The following P3H2 variants were observed in gnomAD, a reference collection of about 807,000 sequenced individuals.
P3H2 encodes the protein leprecan-like 1.
P3H2 carries 80 observed loss-of-function variants against 87.0 expected under a neutral mutation model. That is an observed-to-expected ratio of 0.92 (90% CI 0.77 to 1.11). P3H2 has a LOEUF of 1.11. Among genes scored for constraint, P3H2 ranks in the 50% least tolerant of loss-of-function variants. The pLI is 0.00. For missense variants in P3H2, 1,001 were observed against 923.9 expected, an observed-to-expected ratio of 1.08 and a Z score of -1.08; for synonymous variants, 367 against 359.3, an observed-to-expected ratio of 1.02 and a Z score of -0.24.
intron 1 of P3H2, among the ~76,000 whole-genome samples, chr3:190,032,811 C>A (rs1326539986): frequency 1.3e-5 from 2 of 152,052 alleles, no homozygotes; most frequent in Non-Finnish European, 2.9e-5. Context: ...TCGTGGAAGA[C>A]AATTTTTCCA....
chr3:189,980,955 A>T (rs710551), intron 8 of P3H2, among the ~76,000 whole-genome samples: 1 of 152,100 alleles, frequency 6.6e-6, no homozygotes. Context: ...GGGGCCTGCA[A>T]ATTAAGCTCT....
chr3:190,043,498 C>A (rs922393084), intron 1 of P3H2, among the ~76,000 whole-genome samples: 1 of 152,148 alleles, frequency 6.6e-6, no homozygotes, highest in Non-Finnish European at 1.5e-5. Context: ...GCAGGTCACC[C>A]GTGAGAACTT....
chr3:190,019,384 G>A (rs1724864218), intron 1 of P3H2, among the ~76,000 whole-genome samples: 1 of 152,184 alleles, frequency 6.6e-6, no homozygotes, highest in East Asian at 1.9e-4. Flanking sequence ...GAGTTTAAAT[G>A]TAGTTTTCAG....
At chr3:189,971,655 A>G (rs1207529257) in intron 12 of P3H2, 1 of 496,192 alleles carries the variant, frequency 2.0e-6, no homozygotes, top group Non-Finnish European at 3.7e-6. Flanking sequence ...TACTTTTCAT[A>G]TTAAAACAAA....
chr3:189,980,686 G>A (rs1723506379), intron 8 of P3H2, among the ~76,000 whole-genome samples: 1 of 152,146 alleles, frequency 6.6e-6, no homozygotes, highest in African/African-American at 2.4e-5. Flanking sequence ...TTTTAGTTAT[G>A]ATATAATAAG....
chr3:190,108,189 T>C (rs780325257), intron 1 of P3H2, among the ~76,000 whole-genome samples: 17 of 152,068 alleles, frequency 1.1e-4, no homozygotes, highest in Non-Finnish European at 1.9e-4. Context: ...TCTTGCTCTG[T>C]CACCCTGGCT....
intron 1 of P3H2, among the ~76,000 whole-genome samples, chr3:190,112,200 G>C (rs1712096894): frequency 6.6e-6 from 1 of 152,162 alleles, no homozygotes; most frequent in Admixed American, 6.5e-5. Context: ...TAGGTTCCTG[G>C]ATTCTAATCC....
At chr3:189,959,857 GATAT>G (rs1722756867) in intron 14 of P3H2, among the ~76,000 whole-genome samples, 1 of 114,606 alleles carries the variant, frequency 8.7e-6, no homozygotes, top group African/African-American at 3.3e-5. Flanking sequence ...GACTGGAGGA[GATAT>G]GTGTGTGTGT....
chr3:190,060,820 T>C (rs551420834), intron 1 of P3H2, among the ~76,000 whole-genome samples: 4 of 152,206 alleles, frequency 2.6e-5, no homozygotes, highest in South Asian at 2.1e-4. Flanking sequence ...GCTAAAAATA[T>C]AGGGAAGGGG....
chr3:190,036,030 G>A (rs1725413562), intron 1 of P3H2, among the ~76,000 whole-genome samples: 2 of 152,094 alleles, frequency 1.3e-5, no homozygotes, highest in South Asian at 4.2e-4. Context: ...TTATTCAATT[G>A]CAAGAATTGT....
chr3:190,034,351 C>T (rs999379533), intron 1 of P3H2, among the ~76,000 whole-genome samples: 14 of 152,076 alleles, frequency 9.2e-5, no homozygotes, highest in Admixed American at 2.0e-4. Context: ...AATCTTTAAG[C>T]GACAGAATTT....
At chr3:190,047,202 C>T (rs901760161) in intron 1 of P3H2, among the ~76,000 whole-genome samples, 1 of 152,202 alleles carries the variant, frequency 6.6e-6, no homozygotes, top group African/African-American at 2.4e-5. Flanking sequence ...GATATCATCT[C>T]ACCCCAGTTA....
chr3:190,106,774 C>A (rs906983598), intron 1 of P3H2, among the ~76,000 whole-genome samples: 2 of 152,156 alleles, frequency 1.3e-5, no homozygotes, highest in African/African-American at 4.8e-5. Context: ...GATTCTGATT[C>A]TGTTACTTAC....
At chr3:190,054,656 G>A (rs937285906) in intron 1 of P3H2, among the ~76,000 whole-genome samples, 3 of 152,054 alleles carry the variant, frequency 2.0e-5, no homozygotes, top group Admixed American at 6.6e-5. Flanking sequence ...TTGTTCTCAC[G>A]TTGTACAATT....
intron 1 of P3H2, among the ~76,000 whole-genome samples, chr3:190,047,849 G>C (rs1008311117): frequency 3.9e-5 from 6 of 152,108 alleles, no homozygotes; most frequent in African/African-American, 1.4e-4. Flanking sequence ...GAAGGAATAA[G>C]TTACAGTATG....
intron 1 of P3H2, among the ~76,000 whole-genome samples, chr3:190,102,201 C>A (rs1282314004): frequency 2.0e-5 from 3 of 152,188 alleles, no homozygotes; most frequent in Non-Finnish European, 4.4e-5. Flanking sequence ...AACATCCATT[C>A]AGCAGCCTGT....
chr3:189,968,130 T>C (rs1218440661), intron 13 of P3H2, among the ~76,000 whole-genome samples: 1 of 152,196 alleles, frequency 6.6e-6, no homozygotes, highest in Non-Finnish European at 1.5e-5. Context: ...ATTATTATTA[T>C]ACTTTTAAGT....
chr3:189,997,053 T>C (rs857529), intron 1 of P3H2, among the ~76,000 whole-genome samples: 71,974 of 152,142 alleles, frequency 0.47, 17,074 homozygotes, highest in Admixed American at 0.48. Context: ...GACGGAGTCT[T>C]GCTCTGTTGC....
intron 1 of P3H2, among the ~76,000 whole-genome samples, chr3:190,062,611 T>G (rs1726367183): frequency 1.3e-5 from 2 of 152,166 alleles, no homozygotes; most frequent in Admixed American, 6.6e-5. Context: ...GCACTATTAT[T>G]ATGTATAAGC....
Sources: allele counts gnomAD v4.1 joint callset (sites outside exome capture counted in the v4.1 genomes callset), GRCh38; gene constraint gnomAD v4.1.1; transcripts MANE v1.5; gene names NCBI Gene and HGNC (gene_info 2026-07-23, HGNC 2026-07-21).